Variants in MTMR8 observed in about 807,000 individuals in gnomAD.
The protein encoded by MTMR8 is phosphatidylinositol-3,5-bisphosphate 3-phosphatase MTMR8.
In MTMR8, 65 loss-of-function variants were observed where a neutral mutation model predicts 39.3. The observed-to-expected ratio is 1.65, with a 90% confidence interval of 1.35 to 2.03. MTMR8 has a LOEUF of 2.03. MTMR8 is among the 30% of genes most tolerant of loss of function. The pLI is 0.00. For missense variants in MTMR8, 777 were observed against 538.9 expected (o/e 1.44, Z -4.37); for synonymous variants, 245 against 185.2 (o/e 1.32, Z -2.62).
At chrX:64,303,981 G>A (rs111531820) in intron 12 of MTMR8, among the ~76,000 whole-genome samples, 117 of 111,938 alleles carry the variant, frequency 1.0e-3, no homozygotes, top group Non-Finnish European at 1.7e-3. Context: ...CTTGTGTACT[G>A]CAGCACAGTC....
intron 8 of MTMR8, 127 bp from the exon 9 acceptor site, chrX:64,337,520 C>T (rs1923110732): frequency 2.8e-6 from 2 of 709,968 alleles, no homozygotes; most frequent in South Asian, 5.4e-5. Flanking sequence ...AATTTTTTCT[C>T]ATAACATTAA....
intron 12 of MTMR8, among the ~76,000 whole-genome samples, chrX:64,275,647 T>TGAA (rs1569207280): frequency 1.4e-5 from 1 of 69,927 alleles, no homozygotes; most frequent in African/African-American, 7.2e-5. Flanking sequence ...TGAGTCTCTC[T>TGAA]CAAAAAAAAA....
chrX:64,370,471 G>A (rs1176358723), intron 1 of MTMR8, among the ~76,000 whole-genome samples: 2 of 111,079 alleles, frequency 1.8e-5, no homozygotes, highest in African/African-American at 3.3e-5. Context: ...ACATCCATGA[G>A]TCATTAGCCC....
At chrX:64,380,434 A>T (rs1291983797) in intron 1 of MTMR8, among the ~76,000 whole-genome samples, 1 of 112,700 alleles carries the variant, frequency 8.9e-6, no homozygotes, top group Non-Finnish European at 1.9e-5. Context: ...CTCAAAGGTT[A>T]ACTTAATTGG....
chrX:64,303,394 GC>G (rs1335496077), intron 12 of MTMR8, among the ~76,000 whole-genome samples: 5 of 112,002 alleles, frequency 4.5e-5, no homozygotes, highest in African/African-American at 1.6e-4. Flanking sequence ...AAGACACACT[GC>G]AAAAATACTC....
At chrX:64,302,019 G>T (rs2058255900) in intron 12 of MTMR8, among the ~76,000 whole-genome samples, 1 of 112,599 alleles carries the variant, frequency 8.9e-6, no homozygotes, top group Admixed American at 9.3e-5. Context: ...CTGTCTTTTT[G>T]TTTGTCTGTG....
At chrX:64,308,697 C>A (rs763585280) in intron 12 of MTMR8, among the ~76,000 whole-genome samples, 3 of 111,021 alleles carry the variant, frequency 2.7e-5, no homozygotes, top group Admixed American at 9.6e-5. Flanking sequence ...GTGCTGTATA[C>A]GTGGCATGGC....
chrX:64,299,546 A>AT (rs1230094511), intron 12 of MTMR8, among the ~76,000 whole-genome samples: 6 of 84,365 alleles, frequency 7.1e-5, no homozygotes. Context: ...GGATTCATTG[A>AT]TTTTTTGAAG....
chrX:64,359,897 G>T (rs772391962), intron 1 of MTMR8, among the ~76,000 whole-genome samples: 120 of 88,386 alleles, frequency 1.4e-3, no homozygotes, highest in Non-Finnish European at 2.1e-3. Context: ...CATGAAGATA[G>T]ATCTTACGTT....
chrX:64,358,400 A>G (rs771602724), intron 2 of MTMR8, among the ~76,000 whole-genome samples: 2 of 112,183 alleles, frequency 1.8e-5, no homozygotes, highest in Non-Finnish European at 3.8e-5. Flanking sequence ...TACTCAATTC[A>G]TTTTATACTT....
intron 1 of MTMR8, among the ~76,000 whole-genome samples, chrX:64,360,704 A>G (rs776764626): frequency 5.4e-4 from 61 of 112,078 alleles, no homozygotes; most frequent in Middle Eastern, 4.6e-3. Context: ...ACCTTGGGTT[A>G]AAAAGAAAAA....
At chrX:64,304,087 T>C (rs1921995544) in intron 12 of MTMR8, among the ~76,000 whole-genome samples, 1 of 112,147 alleles carries the variant, frequency 8.9e-6, no homozygotes, top group African/African-American at 3.2e-5. Context: ...ATTCATTCAG[T>C]GCAAATGCAC....
At chrX:64,358,760 C>T (rs778807007) in intron 2 of MTMR8, among the ~76,000 whole-genome samples, 11 of 109,680 alleles carry the variant, frequency 1.0e-4, no homozygotes, top group Non-Finnish European at 2.1e-4. Flanking sequence ...ATGGGTAAGG[C>T]ATAAAGTAAT....
chrX:64,295,540 G>T (rs779838094), intron 12 of MTMR8, among the ~76,000 whole-genome samples: 110 of 111,221 alleles, frequency 9.9e-4, no homozygotes, highest in African/African-American at 3.5e-3. Flanking sequence ...GAGAATGGGA[G>T]AAAATATTTG....
At chrX:64,374,055 A>G (rs2147242383) in intron 1 of MTMR8, among the ~76,000 whole-genome samples, 1 of 112,224 alleles carries the variant, frequency 8.9e-6, no homozygotes, top group East Asian at 2.8e-4. Context: ...CCTACTATGT[A>G]CCAGATTCTG....
At chrX:64,347,730 G>A (rs967034157) in intron 6 of MTMR8, among the ~76,000 whole-genome samples, 6 of 112,309 alleles carry the variant, frequency 5.3e-5, no homozygotes, top group African/African-American at 9.7e-5. Flanking sequence ...TCTTTCTGGG[G>A]CTGTTTGTAA....
chrX:64,357,361 T>G (rs954121913), intron 2 of MTMR8, among the ~76,000 whole-genome samples: 1 of 111,818 alleles, frequency 8.9e-6, no homozygotes, highest in Non-Finnish European at 1.9e-5. Context: ...CAATGAAGTC[T>G]TTCAATCATA....
At chrX:64,383,017 A>G (rs747171631) in intron 1 of MTMR8, among the ~76,000 whole-genome samples, 8 of 111,451 alleles carry the variant, frequency 7.2e-5, no homozygotes, top group Non-Finnish European at 1.5e-4. Flanking sequence ...ACCCTTAAAT[A>G]CAGAAACAAC....
intron 8 of MTMR8, among the ~76,000 whole-genome samples, chrX:64,337,881 G>A (rs1410426220): frequency 9.0e-6 from 1 of 111,676 alleles, no homozygotes; most frequent in Non-Finnish European, 1.9e-5. Flanking sequence ...AACACAATCA[G>A]AATGATGTAA....
Sources: allele counts gnomAD v4.1 joint callset (sites outside exome capture counted in the v4.1 genomes callset), GRCh38; gene constraint gnomAD v4.1.1; transcripts MANE v1.5; gene names NCBI Gene and HGNC (gene_info 2026-07-23, HGNC 2026-07-21).